Variants in NUCB2 observed in about 807,000 individuals in gnomAD.
NUCB2 encodes nucleobindin 2, also known as nucleobindin-2.
In NUCB2, 48 loss-of-function variants were observed where a neutral mutation model predicts 57.9. That is an observed-to-expected ratio of 0.83 (90% CI 0.66 to 1.05). The LOEUF is 1.05. Ranked by LOEUF, NUCB2 falls within the 50% of genes least tolerant of loss-of-function variation. The pLI is 0.00. For synonymous variants in NUCB2, 139 were observed against 152.1 expected (o/e 0.91, Z 0.64); for missense variants, 442 against 476.2 (o/e 0.93, Z 0.67).
chr11:17,345,623 C>T (rs1952667297), intron 2 of NUCB2, among the ~76,000 whole-genome samples: 1 of 152,152 alleles, frequency 6.6e-6, no homozygotes, highest in African/African-American at 2.4e-5. Context: ...AGGAGAATCA[C>T]TTGAGGCCGG....
intron 2 of NUCB2, among the ~76,000 whole-genome samples, chr11:17,341,060 T>C (rs1952223271): frequency 6.6e-6 from 1 of 152,222 alleles, no homozygotes; most frequent in African/African-American, 2.4e-5. Context: ...GATTCCTAGG[T>C]ATTTTATTCT....
intron 2 of NUCB2, among the ~76,000 whole-genome samples, chr11:17,288,880 T>TACACACACACACACACACAC (rs775443519): frequency 1.2e-4 from 8 of 67,506 alleles, no homozygotes; most frequent in East Asian, 4.5e-4. Context: ...ATAACATGTA[T>TACACACACACACACACACAC]ATACACACAC....
chr11:17,317,913 A>G (rs900090844), intron 11 of NUCB2, among the ~76,000 whole-genome samples: 1 of 151,152 alleles, frequency 6.6e-6, no homozygotes, highest in Non-Finnish European at 1.5e-5. Context: ...CCTGGGCTCA[A>G]GGAATCCTCC....
intron 13 of NUCB2, 197 bp from the exon 14 acceptor site, chr11:17,331,215 A>G: frequency 1.9e-6 from 1 of 527,940 alleles, no homozygotes; most frequent in Non-Finnish European, 3.3e-6. Flanking sequence ...AACCATATTT[A>G]TGGTAAAATG....
At chr11:17,339,701 C>T (rs901715304) in intron 2 of NUCB2, among the ~76,000 whole-genome samples, 2 of 151,962 alleles carry the variant, frequency 1.3e-5, no homozygotes, top group Non-Finnish European at 2.9e-5. Context: ...TTTATGGCTG[C>T]ATAGTATTCC....
chr11:17,328,865 CAG>C (rs746017822), intron 11 of NUCB2, among the ~76,000 whole-genome samples: 3 of 152,228 alleles, frequency 2.0e-5, no homozygotes, highest in South Asian at 2.1e-4. Flanking sequence ...TTTCCTCAAA[CAG>C]GGGTCTCTCG....
intron 4 of NUCB2, among the ~76,000 whole-genome samples, chr11:17,299,032 A>G (rs905227348): frequency 3.5e-4 from 54 of 152,158 alleles, no homozygotes; most frequent in African/African-American, 1.3e-3. Flanking sequence ...TTTTGAAAGG[A>G]GAATCATATT....
chr11:17,346,238 A>G (rs1465957531), intron 2 of NUCB2, among the ~76,000 whole-genome samples: 5 of 152,224 alleles, frequency 3.3e-5, no homozygotes, highest in African/African-American at 1.2e-4. Context: ...TCTTCCAGTG[A>G]TAGCATTGAA....
At chr11:17,348,397 C>T (rs146158712) in intron 2 of NUCB2, among the ~76,000 whole-genome samples, 2 of 119,248 alleles carry the variant, frequency 1.7e-5, no homozygotes, top group East Asian at 5.3e-4. Context: ...TGCAGTGGTG[C>T]AATCATGGCT....
In NUCB2 at chr11:17,332,147, A is replaced by G. The variant is rs928178423; in HGVS notation, c.*728A>G. On this transcript the variant is annotated 3_prime_UTR_variant, in exon 14 of 14. Coordinates refer to ENST00000529010, the MANE Select transcript of NUCB2 (RefSeq NM_005013.4). Reference sequence around the variant, plus strand: ...CAGGTTCCTATCTTTCTGCTCTGCTATCCTCAGTGCATGATTTTTATCCTC... The same window carrying G: ...CAGGTTCCTATCTTTCTGCTCTGCTGTCCTCAGTGCATGATTTTTATCCTC... The G allele has an allele frequency of 3.3e-5, 5 of 152,166 alleles. No individual in the cohort carries two copies. Among genetic ancestry groups the G allele is most frequent in the Non-Finnish European group, 5.9e-5 (4 of 68,042 alleles). The allele number at this position is 152,166 out of a possible 1,614,324, so 9.4% of individuals were successfully genotyped here.
chr11:17,301,367 C>G (rs2138613532), intron 4 of NUCB2, among the ~76,000 whole-genome samples: 1 of 149,670 alleles, frequency 6.7e-6, no homozygotes, highest in South Asian at 2.1e-4. Context: ...CAACCTCTGC[C>G]TCCTGGGTTC....
chr11:17,305,678 G>A (rs902201501), intron 5 of NUCB2, among the ~76,000 whole-genome samples: 1 of 151,880 alleles, frequency 6.6e-6, no homozygotes, highest in Non-Finnish European at 1.5e-5. Flanking sequence ...TTGGAGTACA[G>A]TGATGCAATC....
chr11:17,291,824 A>G (rs1460769572), intron 2 of NUCB2, among the ~76,000 whole-genome samples: 2 of 151,938 alleles, frequency 1.3e-5, no homozygotes, highest in African/African-American at 4.8e-5. Context: ...CATCATTTTT[A>G]TTGTGTCTAG....
At chr11:17,299,021 A>G (rs1043682648) in intron 4 of NUCB2, among the ~76,000 whole-genome samples, 3 of 152,216 alleles carry the variant, frequency 2.0e-5, no homozygotes, top group Admixed American at 2.0e-4. Context: ...TCAGCTAAGC[A>G]TTTTGAAAGG....
At chr11:17,304,176 A>T (rs1441050652) in intron 5 of NUCB2, among the ~76,000 whole-genome samples, 1 of 151,802 alleles carries the variant, frequency 6.6e-6, no homozygotes, top group Non-Finnish European at 1.5e-5. Context: ...TTTATTTTTA[A>T]TTTTTAAATT....
chr11:17,338,883 T>G (rs1952015120), intron 2 of NUCB2, among the ~76,000 whole-genome samples: 1 of 152,154 alleles, frequency 6.6e-6, no homozygotes, highest in African/African-American at 2.4e-5. Context: ...AGGCTGGTCT[T>G]GAACTCCTGA....
chr11:17,301,651 T>TTGTATTGTAA, intron 4 of NUCB2, 93 bp from the exon 5 acceptor site: 1 of 757,140 alleles, frequency 1.3e-6, no homozygotes. Context: ...AAAGTATTTA[T>TTGTATTGTAA]CACTAATGTA....
intron 4 of NUCB2, among the ~76,000 whole-genome samples, chr11:17,299,971 A>G (rs557944709): frequency 7.9e-5 from 12 of 152,156 alleles, no homozygotes; most frequent in East Asian, 5.8e-4. Context: ...CATAAAATCT[A>G]TCTTTTTAAA....
chr11:17,323,139 G>A (rs1046179709), intron 11 of NUCB2, among the ~76,000 whole-genome samples: 4 of 152,040 alleles, frequency 2.6e-5, no homozygotes, highest in Admixed American at 6.6e-5. Context: ...TGGTGAAAGC[G>A]AGCATCCTTG....
Sources: allele counts gnomAD v4.1 joint callset (sites outside exome capture counted in the v4.1 genomes callset), GRCh38; gene constraint gnomAD v4.1.1; transcripts MANE v1.5; gene names NCBI Gene and HGNC (gene_info 2026-07-23, HGNC 2026-07-21).